The following CMC1 variants were observed in gnomAD, a reference collection of about 807,000 sequenced individuals.
CMC1 encodes C-X9-C motif containing 1.
A neutral mutation model predicts 14.1 loss-of-function variants in CMC1; 14 were observed. That is an observed-to-expected ratio of 0.99 (90% CI 0.66 to 1.55). The LOEUF is 1.55. CMC1 is among the 40% of genes most tolerant of loss of function. CMC1 has a pLI of 0.00. For synonymous variants in CMC1, 50 were observed against 38.4 expected (o/e 1.30, Z -1.12); for missense variants, 127 against 123.8 (o/e 1.03, Z -0.12).
chr3:28,306,592 T>A (rs1309148363), intron 2 of CMC1, among the ~76,000 whole-genome samples: 1 of 152,218 alleles, frequency 6.6e-6, no homozygotes, highest in Non-Finnish European at 1.5e-5. Context: ...CTTTAGCATT[T>A]TCTAAATATA....
At chr3:28,259,487 G>A (rs1371005249) in intron 1 of CMC1, among the ~76,000 whole-genome samples, 1 of 152,040 alleles carries the variant, frequency 6.6e-6, no homozygotes, top group Admixed American at 6.5e-5. Flanking sequence ...AATTAAATGT[G>A]GACAAGGAAA....
At position 28,322,895 on chromosome 3, in the gene CMC1, T is replaced by C. The variant is rs1488932551; in HGVS notation, c.*3266T>C. 1 of 151,146 alleles carries C rather than the reference T, an allele frequency of 6.6e-6. No homozygotes were observed. The highest frequency in any genetic ancestry group is 1.5e-5 in the Non-Finnish European group (1 of 67,382). The allele number at this position is 151,146 out of a possible 1,614,324, so 9.4% of individuals were successfully genotyped here. ...CAAAAAGGATAAAAGTCCTCCTACA[T>C]GAAATACTTTAATTCAGGCAAAAGG... On this transcript the variant is annotated 3_prime_UTR_variant, in exon 4 of 4. Coordinates refer to ENST00000466830, the MANE Select transcript of CMC1 (RefSeq NM_182523.2).
intron 2 of CMC1, among the ~76,000 whole-genome samples, chr3:28,288,986 G>C (rs1701334900): frequency 6.6e-6 from 1 of 151,488 alleles, no homozygotes; most frequent in African/African-American, 2.4e-5. Context: ...TGGTTGGGAA[G>C]ACCATCTCAG....
chr3:28,280,081 C>G (rs1279346406), intron 2 of CMC1, among the ~76,000 whole-genome samples: 1 of 152,174 alleles, frequency 6.6e-6, no homozygotes, highest in Non-Finnish European at 1.5e-5. Context: ...ATGGAACAAA[C>G]TACTGTTCTG....
At chr3:28,281,600 T>A (rs1046132955) in intron 2 of CMC1, among the ~76,000 whole-genome samples, 28 of 152,312 alleles carry the variant, frequency 1.8e-4, no homozygotes, top group African/African-American at 6.3e-4. Flanking sequence ...AGAGTTGAAG[T>A]CTGAGACTTG....
At chr3:28,295,166 A>G (rs62251105) in intron 2 of CMC1, among the ~76,000 whole-genome samples, 33,037 of 151,974 alleles carry the variant, frequency 0.22, 4,287 homozygotes, top group Middle Eastern at 0.3. Flanking sequence ...TTGTCTCCTT[A>G]GCCTTTACTT....
In CMC1 at chr3:28,311,876, T is replaced by C. The variant is rs1049266060; in HGVS notation, c.110-4457T>C. ...TGTATCATTTTTAGTCCTATATTTGTAAAACCTCTTATAATTCAATAACTG... is the reference window on the plus strand; with the variant it reads ...TGTATCATTTTTAGTCCTATATTTGCAAAACCTCTTATAATTCAATAACTG... On this transcript the variant is annotated intron_variant, in intron 2 of 3. Transcript: ENST00000466830. 2.6e-4 allele frequency among the ~76,000 whole-genome samples: 40 copies of C among 152,230 alleles called. 1 individual carries two copies. The highest frequency in any genetic ancestry group is 9.7e-4 in the African/African-American group (40 of 41,448).
intron 2 of CMC1, among the ~76,000 whole-genome samples, chr3:28,302,166 C>G (rs962474527): frequency 1.3e-5 from 2 of 152,088 alleles, no homozygotes; most frequent in African/African-American, 4.8e-5. Flanking sequence ...GGCTGTAGAC[C>G]ACTTGCAAGT....
In CMC1 at chr3:28,324,004, TAA is replaced by T. The variant is rs771072794; in HGVS notation, c.*4376_*4377del. On this transcript the variant is annotated 3_prime_UTR_variant, in exon 4 of 4. Coordinates refer to ENST00000466830, the MANE Select transcript of CMC1 (RefSeq NM_182523.2). Reference sequence around the variant, plus strand: ...TTCTTGGGAGGACCACTGAAAGAGATAAGTGTCCTCATGGTGAAATCGTGAAT... The same window carrying T: ...TTCTTGGGAGGACCACTGAAAGAGATGTGTCCTCATGGTGAAATCGTGAAT... 6 of 1,549,992 alleles carry T rather than the reference TAA, an allele frequency of 3.9e-6. No individual in the cohort carries two copies. Among genetic ancestry groups the T allele is most frequent in the Non-Finnish European group, 5.3e-6 (6 of 1,139,256 alleles).
intron 2 of CMC1, among the ~76,000 whole-genome samples, chr3:28,286,682 A>G (rs1701197411): frequency 6.6e-6 from 1 of 152,154 alleles, no homozygotes; most frequent in Non-Finnish European, 1.5e-5. Flanking sequence ...TCCTTTTTGT[A>G]TTAGAGGAAA....
intron 2 of CMC1, among the ~76,000 whole-genome samples, chr3:28,315,624 T>C (rs575943250): frequency 1.3e-5 from 2 of 152,306 alleles, no homozygotes; most frequent in Admixed American, 6.5e-5. Flanking sequence ...CTCTTTGTAT[T>C]TCTCCTAGAA....
At chr3:28,286,444 A>T (rs1023872789) in intron 2 of CMC1, among the ~76,000 whole-genome samples, 1 of 152,176 alleles carries the variant, frequency 6.6e-6, no homozygotes, top group African/African-American at 2.4e-5. Context: ...ATGTAAAGTT[A>T]TGCAAAACGT....
intron 2 of CMC1, among the ~76,000 whole-genome samples, chr3:28,312,946 T>C (rs1453999504): frequency 2.6e-5 from 4 of 152,082 alleles, no homozygotes; most frequent in Non-Finnish European, 5.9e-5. Flanking sequence ...AGCTTTCTCC[T>C]CCCGGGTTCA....
At chr3:28,288,531 A>G (rs1285807636) in intron 2 of CMC1, among the ~76,000 whole-genome samples, 2 of 152,058 alleles carry the variant, frequency 1.3e-5, no homozygotes, top group African/African-American at 4.8e-5. Flanking sequence ...GTCTTACTAA[A>G]GGAGCCAACT....
intron 2 of CMC1, among the ~76,000 whole-genome samples, chr3:28,276,787 A>G (rs1700610159): frequency 6.6e-6 from 1 of 152,246 alleles, no homozygotes; most frequent in African/African-American, 2.4e-5. Flanking sequence ...TGGAAAAATA[A>G]CAAAGGAGGC....
intron 2 of CMC1, among the ~76,000 whole-genome samples, chr3:28,273,724 T>A (rs935314510): frequency 3.3e-5 from 5 of 152,214 alleles, no homozygotes; most frequent in Non-Finnish European, 5.9e-5. Flanking sequence ...ATTATTATTG[T>A]GTGGGAGTCT....
At chr3:28,253,656 C>A in intron 1 of CMC1, 5 of 782,854 alleles carry the variant, frequency 6.4e-6, no homozygotes, top group South Asian at 1.6e-5. Context: ...GAAGAGGGAT[C>A]CAAATATAGA....
At chr3:28,250,680 T>C (rs1047690254) in intron 1 of CMC1, among the ~76,000 whole-genome samples, 1 of 152,222 alleles carries the variant, frequency 6.6e-6, no homozygotes, top group East Asian at 1.9e-4. Context: ...GAAATTTAAG[T>C]TGGAATTGAG....
At chr3:28,292,690 A>G (rs1214151701) in intron 2 of CMC1, 1 of 152,166 alleles carries the variant, frequency 6.6e-6, no homozygotes. Context: ...TGTATACATT[A>G]TGGTTTTTAA....
Sources: gnomAD v4.1 joint callset for allele counts (sites outside exome capture counted in the v4.1 genomes callset) on GRCh38, gnomAD v4.1.1 for gene constraint, MANE v1.5 for transcripts, NCBI Gene and HGNC (gene_info 2026-07-23, HGNC 2026-07-21) for gene names.